Variants in DOCK2 observed in about 807,000 individuals in gnomAD.
The protein encoded by DOCK2 is dedicator of cytokinesis 2.
Under a neutral mutation model 248.9 loss-of-function variants are expected in DOCK2, and 87 were observed. The observed-to-expected ratio is 0.35, with a 90% CI of 0.29 to 0.42. The LOEUF (loss-of-function observed/expected upper bound fraction) is 0.42. Among genes scored for constraint, DOCK2 ranks in the 10% least tolerant of loss-of-function variants. The probability of loss-of-function intolerance (pLI) is 1.00; values close to 1 mark genes in which losing one functional copy is unlikely to be tolerated. For missense variants in DOCK2, 1,747 were observed against 2,300.2 expected, an observed-to-expected ratio of 0.76 and a Z score of 4.92; for synonymous variants, 805 against 821.6, an observed-to-expected ratio of 0.98 and a Z score of 0.35.
chr5:170,048,189 C>T (rs1336686947), intron 40 of DOCK2, among the ~76,000 whole-genome samples: 5 of 152,002 alleles, frequency 3.3e-5, no homozygotes, highest in Non-Finnish European at 5.9e-5. Context: ...CTCAGGAGTT[C>T]GAGACCAGCC....
chr5:169,708,070 A>G, intron 14 of DOCK2, 99 bp from the exon 15 acceptor site: 1 of 1,252,268 alleles, frequency 8.0e-7, no homozygotes, highest in Non-Finnish European at 1.1e-6. Context: ...GGGTTGGCCC[A>G]GGCCCTAAGG....
intron 25 of DOCK2, among the ~76,000 whole-genome samples, chr5:169,766,804 G>A (rs1764821373): frequency 6.6e-6 from 1 of 152,052 alleles, no homozygotes; most frequent in African/African-American, 2.4e-5. Context: ...TTTTGCTCTT[G>A]TCACCCAGGC....
At chr5:170,073,820 G>A (rs1465477363) in intron 46 of DOCK2, among the ~76,000 whole-genome samples, 5 of 152,034 alleles carry the variant, frequency 3.3e-5, no homozygotes, top group Non-Finnish European at 7.4e-5. Context: ...TTGGTTATTA[G>A]TACCTTGTAT....
At chr5:169,734,793 C>A (rs1324583948) in intron 22 of DOCK2, among the ~76,000 whole-genome samples, 6 of 152,140 alleles carry the variant, frequency 3.9e-5, no homozygotes, top group Non-Finnish European at 7.3e-5. Context: ...AACTGGGAAA[C>A]CAGCTTTATA....
intron 25 of DOCK2, among the ~76,000 whole-genome samples, chr5:169,777,615 G>A (rs1219035997): frequency 6.6e-6 from 1 of 152,166 alleles, no homozygotes; most frequent in Non-Finnish European, 1.5e-5. Flanking sequence ...TAAGGGGCTG[G>A]ATCAATTCCT....
intron 26 of DOCK2, among the ~76,000 whole-genome samples, chr5:169,815,531 G>A (rs576805957): frequency 2.6e-4 from 39 of 152,228 alleles, no homozygotes; most frequent in Non-Finnish European, 4.9e-4. Flanking sequence ...CTGGGAGGAA[G>A]GGCAGAATGT....
At chr5:169,905,020 A>AATG (rs1315116777) in intron 27 of DOCK2, among the ~76,000 whole-genome samples, 1 of 152,182 alleles carries the variant, frequency 6.6e-6, no homozygotes, top group Non-Finnish European at 1.5e-5. Context: ...CTCATATGAA[A>AATG]ATGAAGATAG....
chr5:169,742,253 CTG>C (rs1737555234), intron 22 of DOCK2, among the ~76,000 whole-genome samples: 1 of 152,176 alleles, frequency 6.6e-6, no homozygotes, highest in South Asian at 2.1e-4. Context: ...GGAAGAAAAA[CTG>C]TATATGATGT....
At chr5:170,042,200 T>C in intron 38 of DOCK2, 68 bp downstream of exon 38, 1 of 1,498,822 alleles carries the variant, frequency 6.7e-7, no homozygotes, top group South Asian at 1.3e-5. Context: ...TCCCATACCT[T>C]ACATCCAATC....
At chr5:169,988,787 T>G (rs1004610877) in intron 29 of DOCK2, among the ~76,000 whole-genome samples, 1 of 152,172 alleles carries the variant, frequency 6.6e-6, no homozygotes, top group African/African-American at 2.4e-5. Context: ...AATCTCCATA[T>G]TATTAAGTGC....
chr5:169,801,146 GTTTTTTTTTT>G (rs60574755), intron 25 of DOCK2, among the ~76,000 whole-genome samples: 12 of 76,074 alleles, frequency 1.6e-4, no homozygotes, highest in Admixed American at 1.1e-3. Context: ...ATAGTTTTGG[GTTTTTTTTTT>G]TTTTTTTTTT....
intron 27 of DOCK2, among the ~76,000 whole-genome samples, chr5:169,981,712 A>G (rs1032565806): frequency 6.6e-6 from 1 of 151,986 alleles, no homozygotes; most frequent in Non-Finnish European, 1.5e-5. Flanking sequence ...TCAAGCCCAG[A>G]CCCTCCCCCA....
At chr5:169,996,259 A>G in intron 30 of DOCK2, 95 bp downstream of exon 30, 2 of 1,309,262 alleles carry the variant, frequency 1.5e-6, no homozygotes, top group Non-Finnish European at 2.1e-6. Flanking sequence ...CAAAGGCCAC[A>G]GAAGCTGTCC....
intron 15 of DOCK2, among the ~76,000 whole-genome samples, chr5:169,711,064 T>C (rs747334240): frequency 3.8e-4 from 58 of 152,218 alleles, no homozygotes; most frequent in Non-Finnish European, 2.1e-4. Flanking sequence ...CCTCAGTTCC[T>C]TTGCTCTGCC....
intron 26 of DOCK2, among the ~76,000 whole-genome samples, chr5:169,825,312 C>T (rs953670181): frequency 8.5e-5 from 13 of 152,248 alleles, no homozygotes; most frequent in Middle Eastern, 6.8e-3. Flanking sequence ...TATAAAGACA[C>T]ATGTACATGT....
chr5:169,817,198 A>G (rs1305173967), intron 26 of DOCK2, among the ~76,000 whole-genome samples: 1 of 152,222 alleles, frequency 6.6e-6, no homozygotes, highest in Non-Finnish European at 1.5e-5. Flanking sequence ...CCTCTTCTGC[A>G]TTCTGAAAAC....
intron 30 of DOCK2, among the ~76,000 whole-genome samples, chr5:169,998,735 G>A (rs1042533591): frequency 2.6e-5 from 4 of 152,218 alleles, no homozygotes; most frequent in South Asian, 4.1e-4. Flanking sequence ...CTACAGCCAC[G>A]TGCCTGATAT....
intron 27 of DOCK2, chr5:169,883,136 A>G: frequency 6.4e-7 from 1 of 1,551,224 alleles, no homozygotes; most frequent in Non-Finnish European, 8.7e-7. Context: ...CAGGAGGTGG[A>G]TTTTTCTGAA....
intron 27 of DOCK2, among the ~76,000 whole-genome samples, chr5:169,911,190 A>G (rs1405500398): frequency 3.9e-5 from 6 of 152,172 alleles, no homozygotes; most frequent in Non-Finnish European, 8.8e-5. Flanking sequence ...CAGTTGATTT[A>G]ACAGGTCAGG....
Sources: gnomAD v4.1 joint callset for allele counts (sites outside exome capture counted in the v4.1 genomes callset) on GRCh38, gnomAD v4.1.1 for gene constraint, MANE v1.5 for transcripts, NCBI Gene and HGNC (gene_info 2026-07-23, HGNC 2026-07-21) for gene names.